IL6ST: variants seen among roughly 807,000 people sequenced by gnomAD.
The protein encoded by IL6ST is interleukin-6 receptor subunit beta.
IL6ST carries 24 observed loss-of-function variants against 91.3 expected under a neutral mutation model. That is an observed-to-expected ratio of 0.26 (90% CI 0.19 to 0.37). The LOEUF is 0.37. Among genes scored for constraint, IL6ST ranks in the 10% least tolerant of loss-of-function variants. The pLI, the probability that IL6ST is intolerant of heterozygous loss-of-function variation, is 1.00. For synonymous variants in IL6ST, 351 were observed against 373.6 expected, an observed-to-expected ratio of 0.94 and a Z score of 0.70; for missense variants, 914 against 1,078.5, an observed-to-expected ratio of 0.85 and a Z score of 2.14.
At chr5:55,971,187 G>A (rs181059426) in intron 3 of IL6ST, among the ~76,000 whole-genome samples, 3 of 152,146 alleles carry the variant, frequency 2.0e-5, no homozygotes, top group Admixed American at 6.5e-5. Context: ...TCTGCTAACA[G>A]CACCACTCCC....
At chr5:55,980,455 C>A (rs1401530569) in intron 2 of IL6ST, among the ~76,000 whole-genome samples, 1 of 152,064 alleles carries the variant, frequency 6.6e-6, no homozygotes, top group Non-Finnish European at 1.5e-5. Flanking sequence ...GAGGCTGAGG[C>A]AGGAGAATCA....
Position 55,956,103 on chromosome 5 carries a change from G to T in IL6ST, c.1189C>A (p.Leu397Ile). ...LTVNLTNDRY[L>I]ATLTVRNLVG... ...AGATTTCTTACTGTTAGGGTTGCTA[G>T]ATAGCGATCATTTGTGAGATTTACT... Residue 397 changes from leucine (L) to isoleucine (I), a missense_variant, in exon 10 of 17, where the codon CTA becomes ATA. Leu to Ile is a conservative substitution (Grantham distance 5, BLOSUM62 2). Transcript: ENST00000381298. The T allele has an allele frequency of 1.2e-6, 2 of 1,612,916 alleles. No individual in the cohort carries two copies. The highest frequency in any genetic ancestry group is 1.3e-5 in the African/African-American group (1 of 74,914).
At chr5:55,993,378 T>C (rs377666466) in intron 1 of IL6ST, among the ~76,000 whole-genome samples, 3 of 152,222 alleles carry the variant, frequency 2.0e-5, no homozygotes, top group African/African-American at 7.2e-5. Context: ...CTACTTCACA[T>C]GTATTTAACT....
chr5:55,957,128 T>TG (rs1752030620), intron 9 of IL6ST, 81 bp downstream of exon 9: 1 of 689,140 alleles, frequency 1.5e-6, no homozygotes, highest in African/African-American at 2.0e-5. Context: ...ACTACACTCC[T>TG]GCCTGGCAAT....
intron 8 of IL6ST, among the ~76,000 whole-genome samples, chr5:55,957,552 A>G (rs1353173399): frequency 6.6e-6 from 1 of 152,156 alleles, no homozygotes; most frequent in Non-Finnish European, 1.5e-5. Context: ...AGCAACAACT[A>G]AAGAGGCATC....
At chr5:55,986,729 G>T (rs1046403606) in intron 1 of IL6ST, among the ~76,000 whole-genome samples, 1 of 151,782 alleles carries the variant, frequency 6.6e-6, no homozygotes, top group Non-Finnish European at 1.5e-5. Context: ...CTTATTGGTT[G>T]CTTTAGGTTT....
Position 55,941,597 on chromosome 5 carries a change from C to G in IL6ST, c.2242G>C (p.Glu748Gln). 2 of 1,614,152 alleles carry G rather than the reference C, an allele frequency of 1.2e-6. No homozygotes were observed. ...RPSISSSDENESSQNTSSTVQ... is the reference protein window; with the variant it reads ...RPSISSSDENQSSQNTSSTVQ... ...GTGCTCGAAGTGTTTTGTGAAGATT[C>G]ATTTTCATCACTGCTAGAAATGCTT... Residue 748 changes from glutamate (E) to glutamine (Q), a missense_variant, in exon 17 of 17, where the codon GAA (glutamate) becomes CAA (glutamine). Glu to Gln is a conservative substitution (Grantham distance 29). Coordinates refer to ENST00000381298, the MANE Select transcript of IL6ST (RefSeq NM_002184.4).
At chr5:55,987,503 G>C (rs890839882) in intron 1 of IL6ST, among the ~76,000 whole-genome samples, 1 of 152,140 alleles carries the variant, frequency 6.6e-6, no homozygotes, top group Non-Finnish European at 1.5e-5. Flanking sequence ...ACAACAAAGT[G>C]TCAGAAAACT....
intron 7 of IL6ST, among the ~76,000 whole-genome samples, chr5:55,961,168 G>C (rs550834311): frequency 1.7e-4 from 26 of 152,322 alleles, no homozygotes; most frequent in African/African-American, 6.0e-4. Context: ...TTTGGTTTTA[G>C]AAGTATGGAA....
chr5:55,943,950 T>C (rs1751078423), intron 15 of IL6ST, among the ~76,000 whole-genome samples: 1 of 152,070 alleles, frequency 6.6e-6, no homozygotes, highest in Admixed American at 6.6e-5. Context: ...TGGTGGTGCA[T>C]GCCTGTAATC....
chr5:55,968,252 T>C (rs780337829), intron 5 of IL6ST, 24 bp downstream of exon 5: 3 of 1,553,914 alleles, frequency 1.9e-6, no homozygotes. Flanking sequence ...AAATCTAACA[T>C]GAAACAAATT....
At chr5:55,975,421 T>A (rs1338127840) in intron 3 of IL6ST, among the ~76,000 whole-genome samples, 2 of 152,174 alleles carry the variant, frequency 1.3e-5, no homozygotes, top group African/African-American at 2.4e-5. Context: ...CAGAAGCAGA[T>A]GCCACCATGC....
At chr5:55,947,897 C>T (rs191030426) in intron 14 of IL6ST, among the ~76,000 whole-genome samples, 18 of 152,170 alleles carry the variant, frequency 1.2e-4, no homozygotes, top group Admixed American at 8.5e-4. Context: ...TCAAACATAA[C>T]CATTTGTAAC....
intron 1 of IL6ST, among the ~76,000 whole-genome samples, chr5:55,991,887 C>T (rs1754355491): frequency 6.6e-6 from 1 of 152,080 alleles, no homozygotes; most frequent in African/African-American, 2.4e-5. Context: ...TTCCAAACTG[C>T]AAAGCAAATA....
chr5:55,941,436 A>T lies in IL6ST; in HGVS notation c.2403T>A (p.His801Gln). Residue 801 changes from histidine to glutamine, a missense_variant, in exon 17 of 17, where the codon CAT (histidine) becomes CAA (glutamine). Physicochemically the swap from His to Gln is conservative, Grantham distance 24. Coordinates refer to ENST00000381298, the MANE Select transcript of IL6ST (RefSeq NM_002184.4). ...GCAAAATACCATCACCGCCATCTACATGATCTACTAATTGTAGATCTTCTG... is the reference window on the plus strand; with the variant it reads ...GCAAAATACCATCACCGCCATCTACTTGATCTACTAATTGTAGATCTTCTG... ...ERPEDLQLVD[H>Q]VDGGDGILPR... is the part of the protein sequence containing the mutation. The T allele has an allele frequency of 6.2e-7, 1 of 1,614,192 alleles. No individual in the cohort carries two copies. The highest frequency in any genetic ancestry group is 8.5e-7 in the Non-Finnish European group (1 of 1,180,012).
At chr5:55,956,523 A>T (rs1265327874) in intron 9 of IL6ST, among the ~76,000 whole-genome samples, 1 of 152,178 alleles carries the variant, frequency 6.6e-6, no homozygotes, top group Non-Finnish European at 1.5e-5. Context: ...TATTTATTTT[A>T]TGCTTGAGTA....
intron 4 of IL6ST, among the ~76,000 whole-genome samples, chr5:55,969,248 C>T (rs1263005011): frequency 1.3e-5 from 2 of 151,968 alleles, no homozygotes; most frequent in Admixed American, 1.3e-4. Flanking sequence ...CTGCTTTACA[C>T]GTGCATTTTC....
chr5:55,950,124 T>C (rs1415332167), intron 14 of IL6ST: 1 of 454,754 alleles, frequency 2.2e-6, no homozygotes, highest in Non-Finnish European at 4.4e-6. Context: ...CAAATACATT[T>C]ATTGTAATCA....
chr5:55,959,890 T>A (rs897086426), intron 8 of IL6ST, among the ~76,000 whole-genome samples: 13 of 135,292 alleles, frequency 9.6e-5, no homozygotes, highest in African/African-American at 4.2e-4. Context: ...CCATGATGAA[T>A]TTTTTTTTTT....
Sources: gnomAD v4.1 joint callset for allele counts (sites outside exome capture counted in the v4.1 genomes callset) on GRCh38, gnomAD v4.1.1 for gene constraint, MANE v1.5 for transcripts, NCBI Gene and HGNC (gene_info 2026-07-23, HGNC 2026-07-21) for gene names.